The following TRPV6 variants were observed in gnomAD, a reference collection of about 807,000 sequenced individuals.
TRPV6 encodes transient receptor potential cation channel subfamily V member 6.
A neutral mutation model predicts 79.0 loss-of-function variants in TRPV6; 39 were observed. The ratio of observed to expected loss-of-function variants is 0.49; its 90% CI spans 0.38 to 0.64. The LOEUF (loss-of-function observed/expected upper bound fraction) is 0.64, where lower values mean the gene tolerates loss of function less well. Among genes scored for constraint, TRPV6 ranks in the 30% least tolerant of loss-of-function variants. The pLI is 0.00. For missense variants in TRPV6, 813 were observed against 1,011.1 expected (o/e 0.80, Z 2.66); for synonymous variants, 373 against 391.9 (o/e 0.95, Z 0.57).
chr7:142,873,946 ATCC>A lies in TRPV6; in HGVS notation c.1639+127_1639+129del, dbSNP rs1469459852. On this transcript the variant is annotated intron_variant, in intron 12 of 14. Transcript: ENST00000359396. This position sits in a 1 kb window ranked among gnomAD's most constrained non-coding sequence, Gnocchi z 4.8. ...TTTTCTCACCTCTGGAGGACGTCCC[ATCC>A]TCTGATACCATAGGTCTCCTCTGAT... 8.5e-7 allele frequency: 1 copy of A among 1,174,982 alleles called. No homozygotes were observed. The highest frequency in any genetic ancestry group is 2.6e-5 in the East Asian group (1 of 38,982). The allele number at this position is 1,174,982 out of a possible 1,614,324, so 72.8% of individuals were successfully genotyped here. A position where few individuals can be genotyped will look rare whatever the true frequency, so the allele number is the denominator to read the frequency against.
rs967326101 is a variant in TRPV6, at chr7:142,875,690, A to T, written c.1030-10T>A. 6.2e-7 allele frequency: 1 copy of T among 1,609,112 alleles called. No individual in the cohort carries two copies. Among genetic ancestry groups the T allele is most frequent in the Non-Finnish European group, 8.5e-7 (1 of 1,177,472 alleles). ...CCAGGATCTGGCGAGCCTGCAACAG[A>T]AAGAGAACAGGTGGCTCAGAGACCC... On this transcript the variant is annotated splice_polypyrimidine_tract_variant and intron_variant, in intron 7 of 14. Coordinates refer to ENST00000359396, the MANE Select transcript of TRPV6 (RefSeq NM_018646.6).
rs781193758 is a variant in TRPV6 at position 142,876,871 on chromosome 7, G to A, written c.608-34C>T. The A allele has an allele frequency of 1.7e-5, 27 of 1,609,746 alleles. No individual in the cohort carries two copies. The South Asian group carries it at 2.7e-4, about 16-fold the overall frequency. ...ACAGAGAGATCTATGGTAGGAGAGT[G>A]CAGGATGGCAGGATGGGGTGGACAG... On this transcript the variant is annotated intron_variant, in intron 4 of 14. Transcript: ENST00000359396.
At position 142,873,620 on chromosome 7, in the gene TRPV6, G is replaced by A; in HGVS notation, c.1736C>T (p.Thr579Ile). 1 of 1,614,222 alleles carries A rather than the reference G, an allele frequency of 6.2e-7. No individual in the cohort carries two copies. The highest frequency in any genetic ancestry group is 8.5e-7 in the Non-Finnish European group (1 of 1,180,054). ...GTAGTTGGCTGGGCCATCGATGATG[G>A]TAAGGAACAGCTCGAAGGTGCTGAA... Residue 579 changes from threonine (T) to isoleucine (I), a missense_variant, in exon 13 of 15, where the codon ACC (threonine) becomes ATC (isoleucine). Physicochemically the swap from Thr to Ile is moderately conservative, Grantham distance 89. Transcript: ENST00000359396. This position sits in a 1 kb window ranked among gnomAD's most constrained non-coding sequence, Gnocchi z 4.8.
At position 142,876,585 on chromosome 7, in the gene TRPV6, TG is replaced by T; in HGVS notation, c.707-3del. The T allele has an allele frequency of 1.2e-6, 2 of 1,613,994 alleles. No individual in the cohort carries two copies. Among genetic ancestry groups the T allele is most frequent in the Non-Finnish European group, 1.7e-6 (2 of 1,179,930 alleles). On this transcript the variant is annotated splice_region_variant and splice_polypyrimidine_tract_variant and intron_variant, in intron 5 of 14. Transcript: ENST00000359396. Reference sequence around the variant, plus strand: ...TGAGGATGTGTAACACTGTGTTTCCTGGGGAGGACACAGGGTATCATGTGGC... The same window carrying T: ...TGAGGATGTGTAACACTGTGTTTCCTGGGAGGACACAGGGTATCATGTGGC...
rs4987670 is a variant in TRPV6, at chr7:142,873,870, G to A, written c.1640-154C>T. The A allele has an allele frequency of 4.3e-6, 5 of 1,163,524 alleles. No homozygotes were observed. In the South Asian group the frequency reaches 7.5e-5, roughly 18 times the overall value. The allele number at this position is 1,163,524 out of a possible 1,614,324, so 72.1% of individuals were successfully genotyped here. On this transcript the variant is annotated intron_variant, in intron 12 of 14. Transcript: ENST00000359396. The surrounding 1 kb of genome is among the most constrained non-coding windows in gnomAD (Gnocchi z 4.8). Reference sequence around the variant, plus strand: ...TTGGGTTTTTACGGTCCCTAGTTTTGTATGAGCCTCATCTTGATCCTAAGA... The same window carrying A: ...TTGGGTTTTTACGGTCCCTAGTTTTATATGAGCCTCATCTTGATCCTAAGA...
chr7:142,876,699 C>T, intron 5 of TRPV6, 40 bp downstream of exon 5: 2 of 1,613,720 alleles, frequency 1.2e-6, no homozygotes, highest in Non-Finnish European at 8.5e-7. Context: ...TCCCTCACTC[C>T]CTGCAGCATC....
intron 8 of TRPV6, 41 bp from the exon 9 acceptor site, chr7:142,875,205 A>G (rs372011598): frequency 1.7e-5 from 27 of 1,607,692 alleles, no homozygotes; most frequent in Non-Finnish European, 2.0e-5. Flanking sequence ...CAGGGCTTTC[A>G]GGCCTCTGCC....
intron 6 of TRPV6, 113 bp from the exon 7 acceptor site, chr7:142,876,017 C>G (rs1466747176): frequency 8.2e-7 from 1 of 1,221,464 alleles, no homozygotes; most frequent in Non-Finnish European, 1.1e-6. Flanking sequence ...GCTGCCCTTT[C>G]ATTTTGATGA....
intron 5 of TRPV6, 36 bp from the exon 6 acceptor site, chr7:142,876,619 C>A: frequency 6.2e-7 from 1 of 1,613,006 alleles, no homozygotes; most frequent in South Asian, 1.1e-5. Context: ...GGCCACTGGC[C>A]TAAAGTCCCT....
At chr7:142,885,305 C>G (rs990626021) in intron 1 of TRPV6, 84 bp downstream of exon 1, 63 of 1,485,014 alleles carry the variant, frequency 4.2e-5, no homozygotes, top group Non-Finnish European at 5.4e-5. Context: ...AGGTGCCAAA[C>G]AAAGACGGGA....
In TRPV6 at chr7:142,871,613, G is replaced by C; in HGVS notation, c.*94C>G. 1 of 1,449,394 alleles carries C rather than the reference G, an allele frequency of 6.9e-7. No homozygotes were observed. Among genetic ancestry groups the C allele is most frequent in the Non-Finnish European group, 9.3e-7 (1 of 1,071,828 alleles). 89.8% of individuals were successfully genotyped at this position (1,449,394 alleles called of 1,614,324 possible). A position where few individuals can be genotyped will look rare whatever the true frequency, so the allele number is the denominator to read the frequency against. On this transcript the variant is annotated 3_prime_UTR_variant, in exon 15 of 15. Transcript: ENST00000359396. ...TACTCCTCTTTCTCCCCTGGGGCCT[G>C]GGAGATGAGACCTCTGGGTGTTTGG...
chr7:142,881,180 G>A (rs1795183265), intron 1 of TRPV6: 1 of 152,178 alleles, frequency 6.6e-6, no homozygotes, highest in South Asian at 2.1e-4. Context: ...CCTGAAGGAG[G>A]TGCACAGAGC....
chr7:142,876,364 A>C (rs1476071495), intron 6 of TRPV6, 44 bp downstream of exon 6: 4 of 1,592,032 alleles, frequency 2.5e-6, no homozygotes, highest in Non-Finnish European at 1.7e-6. Context: ...GGATAGGTTG[A>C]GGGTCATTAG....
In TRPV6 at chr7:142,874,651, G is replaced by T. The variant is rs1352994470; in HGVS notation, c.1412C>A (p.Thr471Asn). The change falls in exon 11 of 15, where the codon ACC (threonine) becomes AAC (asparagine). Residue 471 changes from threonine to asparagine, a missense_variant. Around this residue, in one of 3 missense-constraint regions of TRPV6, gnomAD observed 555 missense variants for 631.0 expected, o/e 0.88. Transcript: ENST00000359396. ...GGTCACCAGCACCATGAAGGCATAGGTGATGCTGGGGGAGCAGGGAGGAGG... is the reference window on the plus strand; with the variant it reads ...GGTCACCAGCACCATGAAGGCATAGTTGATGCTGGGGGAGCAGGGAGGAGG... The T allele has an allele frequency of 6.2e-7, 1 of 1,613,406 alleles. No individual in the cohort carries two copies. Among genetic ancestry groups the T allele is most frequent in the South Asian group, 1.1e-5 (1 of 91,012 alleles).
intron 1 of TRPV6, chr7:142,884,773 T>C (rs1283467381): frequency 6.6e-6 from 1 of 152,208 alleles, no homozygotes; most frequent in African/African-American, 2.4e-5. Context: ...GAGAGAGAAA[T>C]ACACCTCAAG....
chr7:142,874,356 A>C, intron 11 of TRPV6, 135 bp downstream of exon 11: 1 of 1,311,258 alleles, frequency 7.6e-7, no homozygotes. Flanking sequence ...GGATTGTTAA[A>C]AAAGAAGAAA....
intron 1 of TRPV6, chr7:142,880,304 C>G (rs1209661598): frequency 6.6e-6 from 1 of 152,250 alleles, no homozygotes; most frequent in African/African-American, 2.4e-5. Context: ...TACACACACA[C>G]AGACACTCAG....
Position 142,874,887 on chromosome 7 carries a change from A to G in TRPV6, c.1406+17T>C. 1 of 1,613,846 alleles carries G rather than the reference A, an allele frequency of 6.2e-7. No homozygotes were observed. Among genetic ancestry groups the G allele is most frequent in the Non-Finnish European group, 8.5e-7 (1 of 1,179,766 alleles). On this transcript the variant is annotated intron_variant, in intron 10 of 14. Transcript: ENST00000359396. ...CCTGTTGAGGGAAGGGATGGGAGTG[A>G]GAGGAAGGAAACTCACATGAGGACA...
chr7:142,883,014 T>G (rs1442701498), intron 1 of TRPV6: 1 of 152,070 alleles, frequency 6.6e-6, no homozygotes, highest in African/African-American at 2.4e-5. Flanking sequence ...TTTACACCCT[T>G]CTAGTGATGT....
Sources: gnomAD v4.1 joint callset for allele counts on GRCh38, gnomAD v4.1.1 for gene constraint, gnomAD v4.1.1 regional missense constraint, Gnocchi (gnomAD v3.1) non-coding constraint, MANE v1.5 for transcripts, NCBI Gene and HGNC (gene_info 2026-07-23, HGNC 2026-07-21) for gene names.